YIPF1: variants seen among roughly 807,000 people sequenced by gnomAD.
YIPF1 encodes protein YIPF1.
YIPF1 carries 22 observed loss-of-function variants against 37.0 expected under a neutral mutation model. The observed-to-expected ratio is 0.59, with a 90% CI of 0.42 to 0.85. YIPF1 has a LOEUF of 0.85. YIPF1 is among the 40% of genes least tolerant of loss of function. YIPF1 has a pLI of 0.00. For missense variants in YIPF1, 355 were observed against 373.1 expected (o/e 0.95, Z 0.40); for synonymous variants, 128 against 131.9 (o/e 0.97, Z 0.21).
chr1:53,889,028 A>G (rs771359467), intron 2 of YIPF1, 42 bp from the exon 3 acceptor site: 4 of 1,142,098 alleles, frequency 3.5e-6, no homozygotes, highest in Non-Finnish European at 5.2e-6. Context: ...ATGACAGTAT[A>G]AAGTATCTGC....
intron 9 of YIPF1, 44 bp downstream of exon 9, chr1:53,866,156 T>G (rs1349898230): frequency 4.4e-6 from 7 of 1,589,870 alleles, no homozygotes; most frequent in Non-Finnish European, 6.0e-6. Context: ...CTTTTAGCAT[T>G]TGGATATAAA....
At chr1:53,873,551 G>C (rs1650249281) in intron 6 of YIPF1, among the ~76,000 whole-genome samples, 1 of 152,184 alleles carries the variant, frequency 6.6e-6, no homozygotes, top group Admixed American at 6.5e-5. Context: ...GGTGGCTTAA[G>C]CCTGTAGTCC....
intron 6 of YIPF1, among the ~76,000 whole-genome samples, chr1:53,873,368 G>C (rs559375751): frequency 3.3e-5 from 5 of 152,304 alleles, no homozygotes; most frequent in Admixed American, 2.0e-4. Flanking sequence ...CCGTGAAGAG[G>C]GAATAGCAGG....
intron 9 of YIPF1, among the ~76,000 whole-genome samples, chr1:53,862,457 A>G (rs1160495074): frequency 1.3e-5 from 2 of 152,086 alleles, no homozygotes; most frequent in African/African-American, 4.8e-5. Context: ...ACCACCTCAA[A>G]CTTAGGCTTG....
intron 7 of YIPF1, 97 bp from the exon 8 acceptor site, chr1:53,867,021 C>T (rs898522718): frequency 3.6e-6 from 5 of 1,406,408 alleles, no homozygotes; most frequent in South Asian, 2.9e-5. Flanking sequence ...GCTAACATGT[C>T]AATTGACTTC....
Position 53,882,537 on chromosome 1 carries a change from A to G in YIPF1, c.195+576T>C, listed in dbSNP as rs143121504. ...TAGTGGTGCAATCTCAGCTCACTGC[A>G]ACCTCTACTCCCCAAGCTCAAGCAA... On this transcript the variant is annotated intron_variant, in intron 4 of 10. Coordinates refer to ENST00000072644, the MANE Select transcript of YIPF1 (RefSeq NM_018982.5). Among the ~76,000 whole-genome samples, 24 of 151,810 alleles carry G rather than the reference A, an allele frequency of 1.6e-4. No homozygotes were observed. The East Asian group carries it at 4.1e-3, about 26-fold the overall frequency.
At chr1:53,860,911 C>T (rs1649853915) in intron 9 of YIPF1, among the ~76,000 whole-genome samples, 2 of 152,168 alleles carry the variant, frequency 1.3e-5, no homozygotes, top group Non-Finnish European at 2.9e-5. Context: ...ATCTCACTAC[C>T]CTTGAATACT....
chr1:53,879,511 C>CA lies in YIPF1; in HGVS notation c.196-790dup, dbSNP rs35069175. ...AGTACTAAAAATATTACTACTCTGA[C>CA]AAAAAAAAAAATCCTATTGAGAAGA... is the stretch of plus-strand genomic sequence containing the variant. On this transcript the variant is annotated intron_variant, in intron 4 of 10. Transcript: ENST00000072644. Among the ~76,000 whole-genome samples the CA allele has an allele frequency of 5.2e-3, 778 of 149,034 alleles. 10 individuals carry two copies. Among genetic ancestry groups the CA allele is most frequent in the African/African-American group, 0.017 (712 of 40,774 alleles).
chr1:53,867,829 G>A (rs1043264865), intron 7 of YIPF1, among the ~76,000 whole-genome samples: 3 of 152,048 alleles, frequency 2.0e-5, no homozygotes, highest in Admixed American at 6.5e-5. Context: ...AAATAATTCC[G>A]CCACTGTGGC....
chr1:53,860,099 G>T lies in YIPF1; in HGVS notation c.886C>A (p.Pro296Thr), dbSNP rs747349449. The change falls in exon 10 of 11, where the codon CCA (proline) becomes ACA (threonine). Residue 296 changes from proline to threonine, a missense_variant. Coordinates refer to ENST00000072644, the MANE Select transcript of YIPF1 (RefSeq NM_018982.5). ...MDHLPTTTAT[P>T]NQTVAAAKSS ...TTGGCTGCAGCAACTGTTTGGTTTG[G>T]AGTAGCTGTAGTTGTTGGGAGATGG... The T allele has an allele frequency of 3.7e-6, 6 of 1,614,010 alleles. No individual in the cohort carries two copies. Among genetic ancestry groups the T allele is most frequent in the Non-Finnish European group, 4.2e-6 (5 of 1,180,026 alleles).
At chr1:53,866,029 C>T (rs1403221268) in intron 9 of YIPF1, among the ~76,000 whole-genome samples, 171 bp downstream of exon 9, 1 of 152,074 alleles carries the variant, frequency 6.6e-6, no homozygotes, top group Non-Finnish European at 1.5e-5. Flanking sequence ...CTTGAGCTCC[C>T]GAGCTCGAGA....
chr1:53,888,990 A>T lies in YIPF1; in HGVS notation c.-49-4T>A, dbSNP rs2294509. The T allele has an allele frequency of 2.1e-4, 319 of 1,536,620 alleles. 3 individuals are homozygous for T. In the East Asian group the frequency reaches 7.0e-3, roughly 34 times the overall value. ...GAGGAAGAAAATTTGCAGGGTTCTA[A>T]AAGAAAAAAATAGGTAAACATAATA... On this transcript the variant is annotated splice_polypyrimidine_tract_variant and splice_region_variant and intron_variant, in intron 2 of 10. Transcript: ENST00000072644.
rs781563551 is a variant in YIPF1 at position 53,878,733 on chromosome 1, TA to T, written c.196-12del. 1 of 1,590,082 alleles carries T rather than the reference TA, an allele frequency of 6.3e-7. No individual in the cohort carries two copies. The highest frequency in any genetic ancestry group is 1.1e-5 in the South Asian group (1 of 87,012). On this transcript the variant is annotated splice_polypyrimidine_tract_variant and intron_variant, in intron 4 of 10. Transcript: ENST00000072644. ...CTGTCCAGCAAGTAACTGTCAGAAA[TA>T]AAATAAAACATAATGAACACATAAG...
chr1:53,887,565 C>T (rs1650689326), intron 3 of YIPF1, among the ~76,000 whole-genome samples: 1 of 151,944 alleles, frequency 6.6e-6, no homozygotes, highest in African/African-American at 2.4e-5. Context: ...TGACCTTGAG[C>T]ATGGTGAGAG....
chr1:53,862,018 A>G (rs1320790656), intron 9 of YIPF1, among the ~76,000 whole-genome samples: 1 of 152,240 alleles, frequency 6.6e-6, no homozygotes, highest in Non-Finnish European at 1.5e-5. Context: ...ACTCAAAAAG[A>G]AAAGATGATC....
At chr1:53,874,317 T>C (rs949426279) in intron 6 of YIPF1, among the ~76,000 whole-genome samples, 1 of 152,128 alleles carries the variant, frequency 6.6e-6, no homozygotes, top group Admixed American at 6.5e-5. Context: ...AAATTCCTAC[T>C]CTTATTATGG....
intron 9 of YIPF1, among the ~76,000 whole-genome samples, chr1:53,861,206 C>G (rs1649865236): frequency 6.6e-6 from 1 of 152,180 alleles, no homozygotes; most frequent in South Asian, 2.1e-4. Flanking sequence ...AACTCTATTA[C>G]TTTTAAGAGG....
intron 4 of YIPF1, among the ~76,000 whole-genome samples, chr1:53,879,441 T>C (rs1328688069): frequency 1.3e-5 from 2 of 151,986 alleles, no homozygotes; most frequent in African/African-American, 2.4e-5. Flanking sequence ...CTCCCTACTA[T>C]TGCCACCTGA....
At position 53,883,105 on chromosome 1, in the gene YIPF1, G is replaced by A. The variant is rs1222696637; in HGVS notation, c.195+8C>T. 6.4e-7 allele frequency: 1 copy of A among 1,566,404 alleles called. No individual in the cohort carries two copies. Among genetic ancestry groups the A allele is most frequent in the East Asian group, 2.3e-5 (1 of 42,632 alleles). On this transcript the variant is annotated splice_region_variant and intron_variant, in intron 4 of 10. Coordinates refer to ENST00000072644, the MANE Select transcript of YIPF1 (RefSeq NM_018982.5). ...TGTTTAAAAAATATCTCAAAGACAA[G>A]TTCAAACCTCAGTTTTGTCAGAGTC...
Sources: allele counts gnomAD v4.1 joint callset (sites outside exome capture counted in the v4.1 genomes callset), GRCh38; gene constraint gnomAD v4.1.1; transcripts MANE v1.5; gene names NCBI Gene and HGNC (gene_info 2026-07-23, HGNC 2026-07-21).